The following KIF16B variants were observed in gnomAD, a reference collection of about 807,000 sequenced individuals.
KIF16B encodes kinesin-like protein KIF16B.
KIF16B carries 98 observed loss-of-function variants against 156.3 expected under a neutral mutation model. The ratio of observed to expected loss-of-function variants is 0.63; its 90% confidence interval spans 0.53 to 0.74. The LOEUF (loss-of-function observed/expected upper bound fraction) is 0.74. KIF16B is among the 30% of genes least tolerant of loss of function. The pLI, the probability that KIF16B is intolerant of heterozygous loss-of-function variation, is 0.00. For missense variants in KIF16B, 1,421 were observed against 1,606.5 expected (o/e 0.88, Z 1.97); for synonymous variants, 564 against 583.7 (o/e 0.97, Z 0.49).
At chr20:16,566,357 C>T (rs948114207) in intron 1 of KIF16B, among the ~76,000 whole-genome samples, 1 of 152,202 alleles carries the variant, frequency 6.6e-6, no homozygotes, top group Non-Finnish European at 1.5e-5. Flanking sequence ...GCATAAAAGG[C>T]ACTTTGCACA....
intron 25 of KIF16B, among the ~76,000 whole-genome samples, chr20:16,294,637 C>T (rs2063357430): frequency 6.6e-6 from 1 of 152,160 alleles, no homozygotes; most frequent in South Asian, 2.1e-4. Context: ...TCCATGGGGG[C>T]TGCCTTGGCT....
rs571673211 is a variant in KIF16B at position 16,427,033 on chromosome 20, C to G, written c.1612+71G>C. On this transcript the variant is annotated intron_variant, in intron 15 of 25. Coordinates refer to ENST00000354981, the MANE Select transcript of KIF16B (RefSeq NM_024704.5). ...TAATTAATTCTAAGATGCACATGTTCCCCCATTGCCTAGCCAACTTGTTTT... is the reference window on the plus strand; with the variant it reads ...TAATTAATTCTAAGATGCACATGTTGCCCCATTGCCTAGCCAACTTGTTTT... 349 of 1,306,696 alleles carry G rather than the reference C, an allele frequency of 2.7e-4. No homozygotes were observed. The African/African-American group carries it at 4.7e-3, about 18-fold the overall frequency. 80.9% of individuals were successfully genotyped at this position (1,306,696 alleles called of 1,614,324 possible).
chr20:16,458,742 G>T (rs1330787282), intron 12 of KIF16B, among the ~76,000 whole-genome samples: 1 of 151,478 alleles, frequency 6.6e-6, no homozygotes, highest in African/African-American at 2.4e-5. Flanking sequence ...CCATGTACAG[G>T]TATATACACA....
chr20:16,367,982 C>G, intron 22 of KIF16B: 1 of 1,437,078 alleles, frequency 7.0e-7, no homozygotes, highest in Middle Eastern at 2.2e-4. Context: ...CCGAGATTAT[C>G]TGACAGGACC....
intron 23 of KIF16B, among the ~76,000 whole-genome samples, chr20:16,353,556 C>A (rs2064380310): frequency 6.6e-6 from 1 of 152,076 alleles, no homozygotes; most frequent in East Asian, 1.9e-4. Context: ...ACAAACTCAT[C>A]CACTCCTCAT....
At chr20:16,318,788 A>C (rs1021302017) in intron 24 of KIF16B, among the ~76,000 whole-genome samples, 2 of 152,208 alleles carry the variant, frequency 1.3e-5, no homozygotes, top group Non-Finnish European at 2.9e-5. Context: ...AATTCAGAAT[A>C]ATTCCAAATA....
chr20:16,550,528 C>CTTTTTTT (rs745923425), intron 1 of KIF16B, among the ~76,000 whole-genome samples: 11 of 103,494 alleles, frequency 1.1e-4, no homozygotes, highest in East Asian at 9.4e-4. Context: ...ATGAAACATT[C>CTTTTTTT]TTTTTTTTTT....
chr20:16,504,696 C>A, intron 9 of KIF16B, 149 bp from the exon 10 acceptor site: 3 of 608,060 alleles, frequency 4.9e-6, no homozygotes, highest in Non-Finnish European at 8.5e-6. Flanking sequence ...GAAAAATTAT[C>A]TAACATTTCT....
chr20:16,345,669 AAC>A (rs2064219870), intron 23 of KIF16B, among the ~76,000 whole-genome samples: 1 of 152,204 alleles, frequency 6.6e-6, no homozygotes, highest in African/African-American at 2.4e-5. Flanking sequence ...GTTAAGAAAC[AAC>A]AGATAGTCTC....
intron 12 of KIF16B, among the ~76,000 whole-genome samples, chr20:16,481,300 G>A (rs1480733617): frequency 1.3e-5 from 2 of 152,096 alleles, no homozygotes; most frequent in Admixed American, 1.3e-4. Flanking sequence ...GGCTCAAGCA[G>A]TCCTCCTGCC....
At chr20:16,539,550 C>T (rs534693696) in intron 1 of KIF16B, among the ~76,000 whole-genome samples, 1 of 152,186 alleles carries the variant, frequency 6.6e-6, no homozygotes, top group South Asian at 2.1e-4. Flanking sequence ...GTGTATGACA[C>T]CTCCCCCGAC....
intron 10 of KIF16B, among the ~76,000 whole-genome samples, chr20:16,500,265 T>G (rs966527663): frequency 5.9e-5 from 9 of 152,236 alleles, no homozygotes; most frequent in African/African-American, 2.2e-4. Context: ...TACTTTCACA[T>G]GTACAGAAAG....
At chr20:16,477,494 A>G (rs1406986260) in intron 12 of KIF16B, among the ~76,000 whole-genome samples, 1 of 152,194 alleles carries the variant, frequency 6.6e-6, no homozygotes, top group Non-Finnish European at 1.5e-5. Flanking sequence ...AAGATGTACT[A>G]AATCACATCC....
At chr20:16,354,381 C>G (rs1482212067) in intron 23 of KIF16B, among the ~76,000 whole-genome samples, 2 of 151,958 alleles carry the variant, frequency 1.3e-5, no homozygotes, top group Admixed American at 1.3e-4. Flanking sequence ...AGCCAGTCTT[C>G]ACTCTCTAAT....
intron 25 of KIF16B, among the ~76,000 whole-genome samples, chr20:16,297,028 A>G (rs2063397891): frequency 6.6e-6 from 1 of 152,162 alleles, no homozygotes. Context: ...TTGGACTCAA[A>G]CTGAACCATC....
chr20:16,326,713 C>T (rs1046406517), intron 24 of KIF16B, among the ~76,000 whole-genome samples: 2 of 151,944 alleles, frequency 1.3e-5, no homozygotes, highest in Non-Finnish European at 2.9e-5. Flanking sequence ...AACACTTTTA[C>T]ACTTGCTGGT....
At chr20:16,367,007 C>T in intron 22 of KIF16B, 2 of 1,313,574 alleles carry the variant, frequency 1.5e-6, no homozygotes, top group Non-Finnish European at 1.9e-6. Context: ...TTTACATTTT[C>T]AATTTTAGAG....
Position 16,528,385 on chromosome 20 carries a change from T to C in KIF16B, c.103A>G (p.Ile35Val). The C allele has an allele frequency of 6.2e-7, 1 of 1,614,022 alleles. No individual in the cohort carries two copies. Among genetic ancestry groups the C allele is most frequent in the Non-Finnish European group, 8.5e-7 (1 of 1,179,872 alleles). Reference sequence around the variant, plus strand: ...TCATGACTTGCCTTTAAGTTTGTGATTGTCGTTTTGCTTTTCTCCATCTGA... The same window carrying C: ...TCATGACTTGCCTTTAAGTTTGTGACTGTCGTTTTGCTTTTCTCCATCTGA... ...IIQMEKSKTT[I>V]TNLKIPEGGT... The change falls in exon 2 of 26, where the codon ATC becomes GTC. Residue 35 changes from isoleucine to valine, a missense_variant. Ile to Val is a conservative substitution (Grantham distance 29). Transcript: ENST00000354981.
intron 1 of KIF16B, among the ~76,000 whole-genome samples, chr20:16,548,373 A>G (rs1180294915): frequency 2.6e-5 from 4 of 152,186 alleles, no homozygotes; most frequent in African/African-American, 9.7e-5. Context: ...TCAGAGCTGT[A>G]TCTTGTAGAA....
Sources: allele counts gnomAD v4.1 joint callset (sites outside exome capture counted in the v4.1 genomes callset), GRCh38; gene constraint gnomAD v4.1.1; transcripts MANE v1.5; gene names NCBI Gene and HGNC (gene_info 2026-07-23, HGNC 2026-07-21).